Variants in UTRN observed in about 807,000 individuals in gnomAD.
UTRN encodes the protein dystrophin-related protein 1.
A neutral mutation model predicts 463.9 loss-of-function variants in UTRN; 283 were observed. That is an observed-to-expected ratio of 0.61 (90% confidence interval 0.55 to 0.67). The LOEUF is 0.67. Among genes scored for constraint, UTRN ranks in the 30% least tolerant of loss-of-function variants. UTRN has a pLI of 0.00. For missense variants in UTRN, 3,922 were observed against 4,084.3 expected, an observed-to-expected ratio of 0.96 and a Z score of 1.08; for synonymous variants, 1,442 against 1,431.5, an observed-to-expected ratio of 1.01 and a Z score of -0.17.
chr6:144,728,100 CAAAAA>C (rs5880604), intron 53 of UTRN, among the ~76,000 whole-genome samples: 1 of 104,038 alleles, frequency 9.6e-6, no homozygotes. Flanking sequence ...GACTCCATCT[CAAAAA>C]AAAAAAAAAA....
At chr6:144,295,372 A>G (rs1490916131) in intron 2 of UTRN, among the ~76,000 whole-genome samples, 3 of 152,236 alleles carry the variant, frequency 2.0e-5, no homozygotes, top group African/African-American at 4.8e-5. Flanking sequence ...AGAGCCCTGT[A>G]GAAAGAGTAG....
chr6:144,488,128 G>A (rs1792662720), intron 29 of UTRN, among the ~76,000 whole-genome samples: 1 of 152,174 alleles, frequency 6.6e-6, no homozygotes, highest in Non-Finnish European at 1.5e-5. Context: ...TTATAGGAAG[G>A]TTGGGTATGA....
chr6:144,344,367 A>G lies in UTRN; in HGVS notation c.79+52460A>G, dbSNP rs1777398049. 15 of 1,301,468 alleles carry G rather than the reference A, an allele frequency of 1.2e-5. 1 individual carries two copies. Among genetic ancestry groups the G allele is most frequent in the South Asian group, 7.4e-5 (6 of 80,884 alleles). 80.6% of individuals were successfully genotyped at this position (1,301,468 alleles called of 1,614,324 possible). On this transcript the variant is annotated intron_variant, in intron 2 of 74. Coordinates refer to ENST00000367545, the MANE Select transcript of UTRN (RefSeq NM_007124.3). ...GTTTTCTTAAGAAACGTCTATGAAGACAGGGTTCTTTCATTCAGTTTTGTT... is the reference window on the plus strand; with the variant it reads ...GTTTTCTTAAGAAACGTCTATGAAGGCAGGGTTCTTTCATTCAGTTTTGTT...
chr6:144,463,793 T>C (rs1789650609), intron 23 of UTRN, among the ~76,000 whole-genome samples: 1 of 151,824 alleles, frequency 6.6e-6, no homozygotes, highest in Admixed American at 6.6e-5. Context: ...GATTTGGATA[T>C]ATCTCTGTAT....
At chr6:144,514,148 A>G (rs1312953270) in intron 36 of UTRN, 111 bp downstream of exon 36, 3 of 1,392,136 alleles carry the variant, frequency 2.2e-6, no homozygotes, top group Admixed American at 4.4e-5. Flanking sequence ...CAAGCATTAG[A>G]TTCATTAACA....
chr6:144,725,705 AG>A (rs1787800501), intron 53 of UTRN, among the ~76,000 whole-genome samples: 1 of 152,176 alleles, frequency 6.6e-6, no homozygotes, highest in Non-Finnish European at 1.5e-5. Context: ...TAATTGAGAG[AG>A]TTAAAGTGTG....
intron 53 of UTRN, among the ~76,000 whole-genome samples, chr6:144,717,634 C>CTTTTTTTTTTT (rs869170852): frequency 2.0e-4 from 14 of 70,084 alleles, no homozygotes; most frequent in South Asian, 5.7e-4. Flanking sequence ...TTTCTTTTTT[C>CTTTTTTTTTTT]TTTTTTTTTT....
chr6:144,657,447 CA>C (rs1779438043), intron 51 of UTRN, among the ~76,000 whole-genome samples: 2 of 152,154 alleles, frequency 1.3e-5, no homozygotes, highest in South Asian at 4.1e-4. Context: ...TCGAATTCCA[CA>C]GGAGAACATA....
chr6:144,538,048 T>C (rs1189725047), intron 44 of UTRN, among the ~76,000 whole-genome samples: 1 of 152,122 alleles, frequency 6.6e-6, no homozygotes, highest in Non-Finnish European at 1.5e-5. Flanking sequence ...TGGAAGAAAA[T>C]TACTGATTAT....
intron 3 of UTRN, among the ~76,000 whole-genome samples, chr6:144,406,368 T>G (rs1308459001): frequency 6.7e-6 from 1 of 148,648 alleles, no homozygotes; most frequent in African/African-American, 2.5e-5. Context: ...TTTTTTTTTT[T>G]TTTTTTTTTG....
chr6:144,651,135 G>A (rs890079382), intron 51 of UTRN, among the ~76,000 whole-genome samples: 9 of 151,656 alleles, frequency 5.9e-5, no homozygotes, highest in Non-Finnish European at 1.3e-4. Flanking sequence ...TAAACCAACC[G>A]AAATAATAAT....
chr6:144,415,866 T>C (rs1169389385), intron 3 of UTRN, among the ~76,000 whole-genome samples: 1 of 152,106 alleles, frequency 6.6e-6, no homozygotes. Flanking sequence ...GAAGTGGTCA[T>C]GTTTGGGATG....
intron 64 of UTRN, chr6:144,799,588 A>G (rs1586624867): frequency 1.2e-5 from 4 of 340,402 alleles, no homozygotes; most frequent in African/African-American, 2.4e-5. Context: ...TCAGTCTACT[A>G]CTGGGAAGAT....
At chr6:144,403,797 A>G (rs1783137366) in intron 3 of UTRN, among the ~76,000 whole-genome samples, 1 of 152,164 alleles carries the variant, frequency 6.6e-6, no homozygotes, top group Non-Finnish European at 1.5e-5. Flanking sequence ...CTATTTTCAA[A>G]TCTGTTCTAA....
chr6:144,551,989 G>C (rs1164742148), intron 48 of UTRN, among the ~76,000 whole-genome samples: 1 of 151,872 alleles, frequency 6.6e-6, no homozygotes, highest in Admixed American at 6.6e-5. Flanking sequence ...TCCTTCTATG[G>C]CCTTTCCCCC....
intron 45 of UTRN, among the ~76,000 whole-genome samples, chr6:144,540,591 C>T (rs1452275912): frequency 6.6e-6 from 1 of 152,218 alleles, no homozygotes; most frequent in Non-Finnish European, 1.5e-5. Context: ...GCACCTCAAA[C>T]TAACATACAC....
rs140155099 is a variant in UTRN at position 144,517,368 on chromosome 6, C to CT, written c.5541+432dup. Among the ~76,000 whole-genome samples the CT allele has an allele frequency of 5.1e-3, 725 of 142,972 alleles. 13 individuals carry two copies. In the East Asian group the frequency reaches 0.063, roughly 12 times the overall value. The allele number at this position is 142,972 out of a possible 152,430, so 93.8% of individuals were successfully genotyped here. A position where few individuals can be genotyped will look rare whatever the true frequency, so the allele number is the denominator to read the frequency against. Reference sequence around the variant, plus strand: ...TCCCTTTTTATTTCTTTATATTTTTCTTTTTTTTTTTTAAAGATGGGGTAT... The same window carrying CT: ...TCCCTTTTTATTTCTTTATATTTTTCTTTTTTTTTTTTTAAAGATGGGGTAT... On this transcript the variant is annotated intron_variant, in intron 39 of 74. Coordinates refer to ENST00000367545, the MANE Select transcript of UTRN (RefSeq NM_007124.3).
At chr6:144,295,724 G>A (rs1337314528) in intron 2 of UTRN, among the ~76,000 whole-genome samples, 1 of 152,184 alleles carries the variant, frequency 6.6e-6, no homozygotes, top group Non-Finnish European at 1.5e-5. Flanking sequence ...TGCTGCTGAT[G>A]ATGACGATTC....
At chr6:144,529,667 C>T (rs1182306755) in intron 41 of UTRN, among the ~76,000 whole-genome samples, 1 of 151,734 alleles carries the variant, frequency 6.6e-6, no homozygotes, top group South Asian at 2.1e-4. Context: ...TTTTCTTTTT[C>T]CATGCTCAAT....
Sources: gnomAD v4.1 joint callset for allele counts (sites outside exome capture counted in the v4.1 genomes callset) on GRCh38, gnomAD v4.1.1 for gene constraint, MANE v1.5 for transcripts, NCBI Gene and HGNC (gene_info 2026-07-23, HGNC 2026-07-21) for gene names.